The following ZNF488 variants were observed in gnomAD, a reference collection of about 807,000 sequenced individuals.
ZNF488 encodes zinc finger protein 488.
ZNF488 carries 1 observed loss-of-function variant against 1.2 expected under a neutral mutation model. The observed-to-expected ratio is 0.86, with a 90% CI of 0.30 to 4.07. The LOEUF is 4.07. ZNF488 is among the 30% of genes most tolerant of loss of function. The probability of loss-of-function intolerance (pLI) is 0.18; values close to 1 mark genes in which losing one functional copy is unlikely to be tolerated. For synonymous variants in ZNF488, 185 were observed against 190.1 expected (o/e 0.97, Z 0.22); for missense variants, 450 against 437.9 (o/e 1.03, Z -0.25).
At chr10:47,381,430 G>A (rs534118739) in intron 1 of ZNF488, among the ~76,000 whole-genome samples, 1 of 152,404 alleles carries the variant, frequency 6.6e-6, no homozygotes, top group African/African-American at 2.4e-5. Flanking sequence ...GAGGTCCTGG[G>A]GTTTCCTAAG....
intron 1 of ZNF488, among the ~76,000 whole-genome samples, chr10:47,374,918 A>G (rs1305345561): frequency 6.6e-6 from 1 of 152,234 alleles, no homozygotes; most frequent in Non-Finnish European, 1.5e-5. Flanking sequence ...AGTCTGGGAA[A>G]CATGGATTTA....
intron 1 of ZNF488, among the ~76,000 whole-genome samples, chr10:47,382,632 GA>G (rs1555215668): frequency 6.6e-6 from 1 of 152,094 alleles, no homozygotes; most frequent in African/African-American, 2.4e-5. Context: ...TTTTAAACCA[GA>G]AAAAAGCCTC....
intron 1 of ZNF488, among the ~76,000 whole-genome samples, chr10:47,381,713 G>T (rs1555215472): frequency 1.3e-5 from 2 of 152,250 alleles, no homozygotes; most frequent in Non-Finnish European, 2.9e-5. Context: ...AACATAACTT[G>T]GCCACGTCGA....
At chr10:47,372,904 A>G (rs1453181946) in intron 1 of ZNF488, among the ~76,000 whole-genome samples, 2 of 152,134 alleles carry the variant, frequency 1.3e-5, no homozygotes, top group African/African-American at 2.4e-5. Context: ...AGAGCTCTTG[A>G]TGGGTGATGG....
In ZNF488 at chr10:47,368,047, G is replaced by A. The variant is rs1384445058; in HGVS notation, c.783C>T (p.Leu261=). ...PSSSSTTSWA[L]LPPTLTSLGL... ...CCAGGGAGGTGAGGGTGGGTGGCAG[G>A]AGGGCCCACGAAGTGGTGGAGGATG... is the stretch of plus-strand genomic sequence containing the variant. Residue 261 remains leucine (L), a synonymous_variant, in exon 2 of 2, where the codon CTC becomes CTT. Coordinates refer to ENST00000585316, the MANE Select transcript of ZNF488 (RefSeq NM_153034.4). The A allele has an allele frequency of 6.8e-6, 11 of 1,613,990 alleles. No homozygotes were observed. Among genetic ancestry groups the A allele is most frequent in the Admixed American group, 1.7e-5 (1 of 60,002 alleles).
intron 1 of ZNF488, among the ~76,000 whole-genome samples, chr10:47,375,711 C>T (rs1460665315): frequency 9.2e-5 from 14 of 152,198 alleles, no homozygotes; most frequent in African/African-American, 3.4e-4. Context: ...TCATCTTACA[C>T]TTTATTGTAA....
chr10:47,382,210 C>T (rs1837993858), intron 1 of ZNF488, among the ~76,000 whole-genome samples: 1 of 152,282 alleles, frequency 6.6e-6, no homozygotes, highest in South Asian at 2.1e-4. Flanking sequence ...GGAACAGCAG[C>T]TCTTTTCCTG....
At chr10:47,377,666 AACAATCACACACAC>A (rs1837735216) in intron 1 of ZNF488, among the ~76,000 whole-genome samples, 1 of 77,622 alleles carries the variant, frequency 1.3e-5, no homozygotes, top group Non-Finnish European at 2.7e-5. Context: ...AGCCAGCAAT[AACAATCACACACAC>A]ACACACACAC....
Position 47,368,107 on chromosome 10 carries a change from C to T in ZNF488, c.723G>A (p.Leu241=), listed in dbSNP as rs148733531. Residue 241 remains leucine (L), a synonymous_variant, in exon 2 of 2, where the codon CTG becomes CTA. Transcript: ENST00000585316. ...GGGGCACCTGGGCCTGGGTATGCTC[C>T]AGCCACAGTGTAGGGGCACCCAGAA... ...STFLGAPTLW[L]EHTQAQVPPP... 631 of 1,614,184 alleles carry T rather than the reference C, an allele frequency of 3.9e-4. 4 individuals carry two copies. The African/African-American group carries it at 7.5e-3, about 19-fold the overall frequency.
At chr10:47,382,321 G>C (rs797029053) in intron 1 of ZNF488, among the ~76,000 whole-genome samples, 2 of 134,588 alleles carry the variant, frequency 1.5e-5, no homozygotes, top group Non-Finnish European at 3.3e-5. Context: ...TATTCCTTCC[G>C]ACCTTCCCAG....
intron 1 of ZNF488, among the ~76,000 whole-genome samples, chr10:47,369,660 TCCCCACTCTTC>T (rs778190907): frequency 6.6e-5 from 10 of 152,080 alleles, no homozygotes; most frequent in Non-Finnish European, 1.3e-4. Flanking sequence ...GAGTCAAGTG[TCCCCACTCTTC>T]CCCCAACTCC....
intron 1 of ZNF488, among the ~76,000 whole-genome samples, chr10:47,376,461 C>G (rs1269547296): frequency 2.0e-5 from 3 of 152,138 alleles, no homozygotes; most frequent in South Asian, 4.2e-4. Context: ...GAAATTCAAC[C>G]CTGCCGAGGG....
At chr10:47,376,700 C>T (rs1444432513) in intron 1 of ZNF488, among the ~76,000 whole-genome samples, 2 of 152,200 alleles carry the variant, frequency 1.3e-5, no homozygotes, top group African/African-American at 2.4e-5. Flanking sequence ...GCCTTCCAGA[C>T]CACCAGATCC....
rs574587615 is a variant in ZNF488 at position 47,367,816 on chromosome 10, A to C, written c.1014T>G (p.Ser338=). 4.5e-4 allele frequency: 725 copies of C among 1,609,884 alleles called. 10 individuals are homozygous for C. The South Asian group carries it at 7.5e-3, about 17-fold the overall frequency. Residue 338 remains serine (S), a synonymous_variant, in exon 2 of 2, where the codon TCT becomes TCG. Coordinates refer to ENST00000585316, the MANE Select transcript of ZNF488 (RefSeq NM_153034.4). ...ATTCTGCGGTCACCTGCTAGCTGTGAGAAGTCATGTGCCGGGAGAGGTGGT... is the reference window on the plus strand; with the variant it reads ...ATTCTGCGGTCACCTGCTAGCTGTGCGAAGTCATGTGCCGGGAGAGGTGGT... ...ERHHLSRHMT[S]HS is the part of the protein sequence containing the mutation.
chr10:47,378,808 C>T (rs917101949), intron 1 of ZNF488, among the ~76,000 whole-genome samples: 4 of 152,236 alleles, frequency 2.6e-5, no homozygotes, highest in Admixed American at 6.5e-5. Context: ...CAGACCACCC[C>T]GTGTGACTTC....
intron 1 of ZNF488, among the ~76,000 whole-genome samples, chr10:47,370,413 T>C (rs1555213709): frequency 6.6e-6 from 1 of 152,230 alleles, no homozygotes; most frequent in Non-Finnish European, 1.5e-5. Flanking sequence ...CTTAGGGAAA[T>C]AGCCCACCAG....
rs1040236085 is a variant in ZNF488, at chr10:47,367,737, G to A, written c.*70C>T. ...AAAGGACCATGACAGCCCCCTCAAC[G>A]CAGGCCCAGGGAGCCCCCCTCTGCC... On this transcript the variant is annotated 3_prime_UTR_variant, in exon 2 of 2. Transcript: ENST00000585316. The A allele has an allele frequency of 1.6e-5, 24 of 1,517,978 alleles. No individual in the cohort carries two copies. The highest frequency in any genetic ancestry group is 2.8e-5 in the African/African-American group (2 of 72,128). 94.0% of individuals were successfully genotyped at this position (1,517,978 alleles called of 1,614,324 possible). A position where few individuals can be genotyped will look rare whatever the true frequency, so the allele number is the denominator to read the frequency against.
chr10:47,381,407 G>T (rs1327518822), intron 1 of ZNF488, among the ~76,000 whole-genome samples: 2 of 152,298 alleles, frequency 1.3e-5, no homozygotes, highest in Non-Finnish European at 2.9e-5. Flanking sequence ...GGCCTTTTCT[G>T]CATTTGGATT....
intron 1 of ZNF488, among the ~76,000 whole-genome samples, chr10:47,375,975 G>A (rs1296823993): frequency 3.9e-5 from 6 of 152,232 alleles, no homozygotes; most frequent in Non-Finnish European, 4.4e-5. Context: ...GAGAGTGTTT[G>A]TGAGGACTGT....
Sources: allele counts gnomAD v4.1 joint callset (sites outside exome capture counted in the v4.1 genomes callset), GRCh38; gene constraint gnomAD v4.1.1; transcripts MANE v1.5; gene names NCBI Gene and HGNC (gene_info 2026-07-23, HGNC 2026-07-21).